The following FREM1 variants were observed in gnomAD, a reference collection of about 807,000 sequenced individuals.
FREM1 encodes FRAS1-related extracellular matrix protein 1.
FREM1 carries 220 observed loss-of-function variants against 210.1 expected under a neutral mutation model. That is an observed-to-expected ratio of 1.05 (90% CI 0.94 to 1.17). The LOEUF (loss-of-function observed/expected upper bound fraction) is 1.17, where lower values mean the gene tolerates loss of function less well. Among genes scored for constraint, FREM1 ranks in the 50% most tolerant of loss-of-function variants. The pLI, the probability that FREM1 is intolerant of heterozygous loss-of-function variation, is 0.00. For synonymous variants in FREM1, 1,189 were observed against 980.2 expected (o/e 1.21, Z -3.98); for missense variants, 3,454 against 2,675.5 (o/e 1.29, Z -6.42).
intron 21 of FREM1, among the ~76,000 whole-genome samples, chr9:14,793,833 T>C (rs1851851422): frequency 6.6e-6 from 1 of 152,198 alleles, no homozygotes; most frequent in South Asian, 2.1e-4. Context: ...TTCCAACAAC[T>C]TTCACTCAGG....
chr9:14,758,755 T>C (rs1418716250), intron 28 of FREM1, among the ~76,000 whole-genome samples: 2 of 152,180 alleles, frequency 1.3e-5, no homozygotes, highest in Non-Finnish European at 2.9e-5. Context: ...CTCATTCTCT[T>C]GAAGCGCTCT....
intron 20 of FREM1, 73 bp from the exon 21 acceptor site, chr9:14,797,715 C>A (rs1419485596): frequency 4.6e-6 from 6 of 1,302,022 alleles, no homozygotes; most frequent in Non-Finnish European, 1.1e-6. Context: ...CAGATAATGT[C>A]TTAATTTTCA....
chr9:14,903,338 G>A (rs1162644578), intron 1 of FREM1, among the ~76,000 whole-genome samples: 1 of 152,156 alleles, frequency 6.6e-6, no homozygotes, highest in African/African-American at 2.4e-5. Flanking sequence ...TGACTGATGA[G>A]GAAAGCAAAA....
intron 1 of FREM1, among the ~76,000 whole-genome samples, chr9:14,877,267 TC>T (rs1289850377): frequency 6.6e-6 from 1 of 152,020 alleles, no homozygotes; most frequent in African/African-American, 2.4e-5. Flanking sequence ...CATGCAACTG[TC>T]TGCTTATCAT....
At chr9:14,858,311 T>A (rs1683926896) in intron 4 of FREM1, among the ~76,000 whole-genome samples, 1 of 152,154 alleles carries the variant, frequency 6.6e-6, no homozygotes, top group African/African-American at 2.4e-5. Flanking sequence ...TTCACATCTC[T>A]AACCAAATGT....
intron 24 of FREM1, among the ~76,000 whole-genome samples, chr9:14,779,757 G>A (rs1849348135): frequency 6.6e-6 from 1 of 152,204 alleles, no homozygotes; most frequent in Admixed American, 6.5e-5. Context: ...GACCACAGAA[G>A]AGTAAGAAAT....
chr9:14,787,286 C>CA (rs869195129), intron 23 of FREM1, among the ~76,000 whole-genome samples: 1 of 147,318 alleles, frequency 6.8e-6, no homozygotes, highest in Non-Finnish European at 1.5e-5. Flanking sequence ...CAAAACAAAA[C>CA]AAAAAACTGT....
At chr9:14,782,589 A>G (rs1849804017) in intron 24 of FREM1, among the ~76,000 whole-genome samples, 1 of 152,216 alleles carries the variant, frequency 6.6e-6, no homozygotes, top group African/African-American at 2.4e-5. Context: ...CCCAGCCTTC[A>G]TAAGCAAACA....
At chr9:14,739,713 G>A (rs1841171525) in intron 36 of FREM1, among the ~76,000 whole-genome samples, 1 of 151,328 alleles carries the variant, frequency 6.6e-6, no homozygotes, top group Admixed American at 6.6e-5. Context: ...AATATAATGT[G>A]CATCCAACAT....
intron 1 of FREM1, among the ~76,000 whole-genome samples, chr9:14,905,135 T>C (rs1817468169): frequency 6.6e-6 from 1 of 152,230 alleles, no homozygotes; most frequent in Non-Finnish European, 1.5e-5. Context: ...ATAAACACCT[T>C]GAAGATAATA....
intron 1 of FREM1, among the ~76,000 whole-genome samples, chr9:14,877,946 C>T (rs1052909935): frequency 9.2e-5 from 14 of 152,194 alleles, no homozygotes; most frequent in Non-Finnish European, 1.9e-4. Flanking sequence ...CAAAACATAT[C>T]CAGAATCCAG....
At chr9:14,815,006 C>A (rs1447032801) in intron 15 of FREM1, among the ~76,000 whole-genome samples, 1 of 152,210 alleles carries the variant, frequency 6.6e-6, no homozygotes, top group Non-Finnish European at 1.5e-5. Flanking sequence ...CTCTGTAAGT[C>A]TGCCAACAAA....
At chr9:14,776,254 C>A in intron 24 of FREM1, 51 bp from the exon 25 acceptor site, 1 of 1,495,564 alleles carries the variant, frequency 6.7e-7, no homozygotes, top group Non-Finnish European at 8.9e-7. Flanking sequence ...GTGTCACCAT[C>A]TACTGGAATG....
intron 5 of FREM1, among the ~76,000 whole-genome samples, chr9:14,857,143 C>A (rs921175682): frequency 1.3e-5 from 2 of 152,056 alleles, no homozygotes; most frequent in African/African-American, 4.8e-5. Flanking sequence ...TGAGATTCTC[C>A]TCCCTCCCCC....
intron 1 of FREM1, among the ~76,000 whole-genome samples, chr9:14,891,926 C>T (rs1258460625): frequency 6.6e-6 from 1 of 152,184 alleles, no homozygotes; most frequent in African/African-American, 2.4e-5. Flanking sequence ...GATTTATAAT[C>T]AGGTATTTTA....
chr9:14,797,409 T>A (rs201084231), intron 21 of FREM1, 89 bp downstream of exon 21: 2 of 1,075,822 alleles, frequency 1.9e-6, no homozygotes, highest in South Asian at 3.0e-5. Context: ...ACTTGCTTCT[T>A]TGGGAGACAC....
At chr9:14,900,217 C>T (rs1035916587) in intron 1 of FREM1, among the ~76,000 whole-genome samples, 1 of 152,178 alleles carries the variant, frequency 6.6e-6, no homozygotes, top group African/African-American at 2.4e-5. Context: ...ATTACCATCA[C>T]CCAGTCACCA....
chr9:14,849,426 C>G (rs77485157), intron 6 of FREM1, among the ~76,000 whole-genome samples: 1 of 152,102 alleles, frequency 6.6e-6, no homozygotes, highest in South Asian at 2.1e-4. Context: ...GTAGGGGCTG[C>G]GTGATAAGTT....
At chr9:14,738,639 C>T (rs1587600843) in intron 36 of FREM1, among the ~76,000 whole-genome samples, 1 of 152,250 alleles carries the variant, frequency 6.6e-6, no homozygotes, top group African/African-American at 2.4e-5. Context: ...CCCTCAAATA[C>T]AACGCCTTTA....
Sources: gnomAD v4.1 joint callset for allele counts (sites outside exome capture counted in the v4.1 genomes callset) on GRCh38, gnomAD v4.1.1 for gene constraint, MANE v1.5 for transcripts, NCBI Gene and HGNC (gene_info 2026-07-23, HGNC 2026-07-21) for gene names.